RELA: variants seen among roughly 807,000 people sequenced by gnomAD.
The protein encoded by RELA is RELA proto-oncogene, NF-kB subunit, also known as transcription factor p65.
RELA carries 14 observed loss-of-function variants against 56.7 expected under a neutral mutation model. That is an observed-to-expected ratio of 0.25 (90% CI 0.16 to 0.39). RELA has a LOEUF of 0.39. RELA is among the 10% of genes least tolerant of loss of function. The pLI is 1.00. For missense variants in RELA, 559 were observed against 736.4 expected, an observed-to-expected ratio of 0.76 and a Z score of 2.79; for synonymous variants, 315 against 289.7, an observed-to-expected ratio of 1.09 and a Z score of -0.89.
At chr11:65,663,126 C>T (rs1262148104), upstream of RELA, 2 of 225,278 alleles carry the variant, frequency 8.9e-6, no homozygotes, top group Non-Finnish European at 1.7e-5. Context: ...GGCTAGCTCC[C>T]GGGTCCCGGC....
Position 65,654,663 on chromosome 11 carries a change from G to A in RELA, c.1371C>T (p.Ser457=). 1.3e-6 allele frequency: 2 copies of A among 1,566,980 alleles called. No individual in the cohort carries two copies. Among genetic ancestry groups the A allele is most frequent in the East Asian group, 2.2e-5 (1 of 44,482 alleles). ...GGTCTGTGAACACAGCTGGGTCTGTGCTGTTGCCAAGCAAGGCCCCCAGGT... is the reference window on the plus strand; with the variant it reads ...GGTCTGTGAACACAGCTGGGTCTGTACTGTTGCCAAGCAAGGCCCCCAGGT... ...DEDLGALLGN[S]TDPAVFTDLA... The change falls in exon 11 of 11, where the codon AGC becomes AGT. Residue 457 remains serine (S), a synonymous_variant. Transcript: ENST00000406246.
intron 5 of RELA, 124 bp downstream of exon 5, chr11:65,660,000 G>T: frequency 8.5e-7 from 1 of 1,173,514 alleles, no homozygotes; most frequent in East Asian, 2.3e-5. Context: ...GGTAAAGTGG[G>T]AGAGTACTGA....
At chr11:65,662,655 T>A in intron 1 of RELA, 171 bp downstream of exon 1, 2 of 426,718 alleles carry the variant, frequency 4.7e-6, no homozygotes, top group Non-Finnish European at 3.7e-6. Context: ...GAGGGGAAAC[T>A]GAGTCAGACC....
Position 65,654,299 on chromosome 11 carries a change from C to T in RELA, c.*79G>A. 2 of 1,590,038 alleles carry T rather than the reference C, an allele frequency of 1.3e-6. No homozygotes were observed. The highest frequency in any genetic ancestry group is 1.7e-6 in the Non-Finnish European group (2 of 1,161,266). On this transcript the variant is annotated 3_prime_UTR_variant, in exon 11 of 11. Coordinates refer to ENST00000406246, the MANE Select transcript of RELA (RefSeq NM_021975.4). The stretch of plus-strand genomic sequence containing the variant: ...AAGTTGGGGGCAGTTGGAACACACC[C>T]CACCAGAATCCGTAAGTGCTTTTGG...
rs1426848248 is a variant in RELA, at chr11:65,654,128, CAG to C, written c.*248_*249del. 14 of 557,546 alleles carry C rather than the reference CAG, an allele frequency of 2.5e-5. No individual in the cohort carries two copies. Among genetic ancestry groups the C allele is most frequent in the Non-Finnish European group, 3.9e-5 (12 of 307,852 alleles). 34.5% of individuals were successfully genotyped at this position (557,546 alleles called of 1,614,324 possible). Reference sequence around the variant, plus strand: ...CAGAGAAGGGAGCTGACCATCAGGACAGGGGAAAAGTTTGAGTTTCCCCAGCT... The same window carrying C: ...CAGAGAAGGGAGCTGACCATCAGGACGGGAAAAGTTTGAGTTTCCCCAGCT... On this transcript the variant is annotated 3_prime_UTR_variant, in exon 11 of 11. Transcript: ENST00000406246.
chr11:65,659,547 C>G, intron 6 of RELA, 119 bp downstream of exon 6: 1 of 1,307,296 alleles, frequency 7.6e-7, no homozygotes, highest in Non-Finnish European at 1.1e-6. Flanking sequence ...GAAGAGTAGA[C>G]AAATACGCAA....
upstream of RELA, among the ~76,000 whole-genome samples, chr11:65,663,627 C>T (rs1490789752): frequency 6.6e-6 from 1 of 152,196 alleles, no homozygotes; most frequent in African/African-American, 2.4e-5. Flanking sequence ...AGCAGGAGGC[C>T]CCCAGGGGTA....
chr11:65,658,201 CA>C lies in RELA; in HGVS notation c.877+85del. 1 of 1,064,744 alleles carries C rather than the reference CA, an allele frequency of 9.4e-7. No individual in the cohort carries two copies. Among genetic ancestry groups the C allele is most frequent in the African/African-American group, 1.6e-5 (1 of 62,466 alleles). 66.0% of individuals were successfully genotyped at this position (1,064,744 alleles called of 1,614,324 possible). A position where few individuals can be genotyped will look rare whatever the true frequency, so the allele number is the denominator to read the frequency against. Reference sequence around the variant, plus strand: ...AGCTCTGACTCCAGCTTCTGGCCCTCAACCACAGCCCCAGACATGCAGTCTT... The same window carrying C: ...AGCTCTGACTCCAGCTTCTGGCCCTCACCACAGCCCCAGACATGCAGTCTT... On this transcript the variant is annotated intron_variant, in intron 8 of 10. Transcript: ENST00000406246. The surrounding 1 kb of genome is among the most constrained non-coding windows in gnomAD (Gnocchi z 4.5).
intron 5 of RELA, 138 bp from the exon 6 acceptor site, chr11:65,659,935 C>A: frequency 8.0e-7 from 1 of 1,243,122 alleles, no homozygotes; most frequent in Non-Finnish European, 1.1e-6. Flanking sequence ...GAACCCAGCA[C>A]TGACTCCACT....
At position 65,658,360 on chromosome 11, in the gene RELA, G is replaced by T; in HGVS notation, c.804C>A (p.Val268=). The T allele has an allele frequency of 6.2e-7, 1 of 1,613,772 alleles. No individual in the cohort carries two copies. Among genetic ancestry groups the T allele is most frequent in the East Asian group, 2.2e-5 (1 of 44,864 alleles). The change falls in exon 8 of 11, where the codon GTC becomes GTA. Residue 268 remains valine (V), a synonymous_variant. Coordinates refer to ENST00000406246, the MANE Select transcript of RELA (RefSeq NM_021975.4). The surrounding 1 kb of genome is among the most constrained non-coding windows in gnomAD (Gnocchi z 4.5). Reference sequence around the variant, plus strand: ...CGGAAGGCCGCCGCAGCTGCATGGAGACACGCACAGGAGCCTGCAGGCTGG... The same window carrying T: ...CGGAAGGCCGCCGCAGCTGCATGGATACACGCACAGGAGCCTGCAGGCTGG... ...ADPSLQAPVR[V]SMQLRRPSDR... is the part of the protein sequence containing the mutation.
At chr11:65,656,830 C>G (rs1031354798) in intron 8 of RELA, among the ~76,000 whole-genome samples, 16 of 152,160 alleles carry the variant, frequency 1.1e-4, no homozygotes, top group Admixed American at 4.6e-4. Context: ...CGAGACCACC[C>G]TGGCCAACAT....
At position 65,655,704 on chromosome 11, in the gene RELA, A is replaced by G. The variant is rs752091115; in HGVS notation, c.1017T>C (p.Ala339=). Residue 339 remains alanine (A), a synonymous_variant, in exon 10 of 11, where the codon GCT becomes GCC. Coordinates refer to ENST00000406246, the MANE Select transcript of RELA (RefSeq NM_021975.4). The part of the protein sequence containing the change: ...RRIAVPSRSS[A]SVPKPAPQPY... The stretch of plus-strand genomic sequence containing the variant: ...AATCCTTACCTGGCTTGGGGACAGA[A>G]GCTGAGCTGCGGGAAGGCACAGCAA... 35 of 1,613,874 alleles carry G rather than the reference A, an allele frequency of 2.2e-5. No individual in the cohort carries two copies. The highest frequency in any genetic ancestry group is 2.6e-5 in the Non-Finnish European group (31 of 1,179,956).
Position 65,658,941 on chromosome 11 carries a change from A to C in RELA, c.560-119T>G. The C allele has an allele frequency of 1.3e-6, 1 of 773,956 alleles. No individual in the cohort carries two copies. The highest frequency in any genetic ancestry group is 2.3e-6 in the Non-Finnish European group (1 of 442,706). 47.9% of individuals were successfully genotyped at this position (773,956 alleles called of 1,614,324 possible). ...CAAGGTTGCCCAGAGCTTGCCACCT[A>C]CACCTTTGTAGCCAAAGTCAGACCT... On this transcript the variant is annotated intron_variant, in intron 6 of 10. Transcript: ENST00000406246. This position sits in a 1 kb window ranked among gnomAD's most constrained non-coding sequence, Gnocchi z 4.5.
chr11:65,656,076 T>C, intron 8 of RELA, 141 bp from the exon 9 acceptor site: 1 of 733,004 alleles, frequency 1.4e-6, no homozygotes, highest in Non-Finnish European at 2.4e-6. Context: ...TGAGAAGGGA[T>C]GTGTGACACT....
chr11:65,656,624 C>A (rs1156902205), intron 8 of RELA, among the ~76,000 whole-genome samples: 1 of 152,216 alleles, frequency 6.6e-6, no homozygotes, highest in Non-Finnish European at 1.5e-5. Context: ...TGCCAGCCTC[C>A]CTTCTAGACA....
Position 65,661,704 on chromosome 11 carries a change from C to T in RELA, c.318G>A (p.Pro106=), listed in dbSNP as rs142911505. 1.9e-6 allele frequency: 3 copies of T among 1,601,550 alleles called. No individual in the cohort carries two copies. The highest frequency in any genetic ancestry group is 1.3e-5 in the African/African-American group (1 of 74,606). The change falls in exon 4 of 11, where the codon CCG becomes CCA. Residue 106 remains proline, a synonymous_variant. Transcript: ENST00000406246. ...GACCTCACCTGTGGATGCAGCGGTC[C>T]GGGCAGAGCTCAGCCTCATAGAAGC... ...RDGFYEAELC[P]DRCIHSFQNL...
intron 8 of RELA, among the ~76,000 whole-genome samples, chr11:65,656,815 G>A (rs1191390532): frequency 6.6e-6 from 1 of 152,180 alleles, no homozygotes; most frequent in Non-Finnish European, 1.5e-5. Flanking sequence ...ACGAGGTCAA[G>A]AGATCGAGAC....
At position 65,661,743 on chromosome 11, in the gene RELA, C is replaced by T; in HGVS notation, c.279G>A (p.Lys93=). Residue 93 remains lysine (K), a synonymous_variant, in exon 4 of 11, where the codon AAG becomes AAA. Transcript: ENST00000406246. ...HRPHPHELVG[K]DCRDGFYEAE... ...CCTCATAGAAGCCATCCCGGCAGTC[C>T]TTTCCTACAAGCTCGTGGGGGTGAG... is the stretch of plus-strand genomic sequence containing the variant. The T allele has an allele frequency of 6.2e-7, 1 of 1,613,716 alleles. No homozygotes were observed.
rs376714412 is a variant in RELA at position 65,656,875 on chromosome 11, A to C, written c.878-940T>G. Reference sequence around the variant, plus strand: ...CCCGTCTCTACTAAAAATACAAAAAATTAGCCGGATGTGGTGGCGGGCGCC... The same window carrying C: ...CCCGTCTCTACTAAAAATACAAAAACTTAGCCGGATGTGGTGGCGGGCGCC... On this transcript the variant is annotated intron_variant, in intron 8 of 10. Transcript: ENST00000406246. 1.4e-4 allele frequency among the ~76,000 whole-genome samples: 21 copies of C among 152,210 alleles called. No homozygotes were observed. The East Asian group carries it at 3.5e-3, about 25-fold the overall frequency.
Sources: gnomAD v4.1 joint callset for allele counts (sites outside exome capture counted in the v4.1 genomes callset) on GRCh38, gnomAD v4.1.1 for gene constraint, Gnocchi (gnomAD v3.1) non-coding constraint, MANE v1.5 for transcripts, NCBI Gene and HGNC (gene_info 2026-07-23, HGNC 2026-07-21) for gene names.